Variants in EHD3 observed in about 807,000 individuals in gnomAD.
EHD3 encodes the protein EH domain containing 3.
A neutral mutation model predicts 43.0 loss-of-function variants in EHD3; 17 were observed. That is an observed-to-expected ratio of 0.40 (90% CI 0.27 to 0.59). The LOEUF (loss-of-function observed/expected upper bound fraction) is 0.59, where lower values mean the gene tolerates loss of function less well. Ranked by LOEUF, EHD3 falls within the 20% of genes least tolerant of loss-of-function variation. The pLI is 0.49. For synonymous variants in EHD3, 313 were observed against 289.5 expected (o/e 1.08, Z -0.82); for missense variants, 594 against 705.6 (o/e 0.84, Z 1.79).
At chr2:31,249,020 C>G (rs1683582747) in intron 2 of EHD3, among the ~76,000 whole-genome samples, 1 of 152,126 alleles carries the variant, frequency 6.6e-6, no homozygotes, top group Non-Finnish European at 1.5e-5. Context: ...GGTAGCTGAC[C>G]AAGGACAAAC....
rs116733156 is a variant in EHD3, at chr2:31,234,426, G to A, written c.-196G>A. On this transcript the variant is annotated 5_prime_UTR_variant, in exon 1 of 6. Coordinates refer to ENST00000322054, the MANE Select transcript of EHD3 (RefSeq NM_014600.3). ...TGGGCTGCTGGATGCAGCAGCGGCT[G>A]GGCTTGGTCCCAGGAGCAGGGAGAG... 7.7e-3 allele frequency: 4,664 copies of A among 602,390 alleles called. 170 individuals carry two copies. Among genetic ancestry groups the A allele is most frequent in the African/African-American group, 0.077 (4,077 of 53,090 alleles). 37.3% of individuals were successfully genotyped at this position (602,390 alleles called of 1,614,324 possible).
chr2:31,241,249 C>G lies in EHD3; in HGVS notation c.228-3025C>G, dbSNP rs574368154. 4.6e-5 allele frequency among the ~76,000 whole-genome samples: 7 copies of G among 152,288 alleles called. No individual in the cohort carries two copies. In the South Asian group the frequency reaches 1.5e-3, roughly 32 times the overall value. The stretch of plus-strand genomic sequence containing the variant: ...CATATTTCTTTGTGGCCTTCTTGTC[C>G]CATTCATCGTTCTAAAAGGGAGCTC... On this transcript the variant is annotated intron_variant, in intron 1 of 5. Coordinates refer to ENST00000322054, the MANE Select transcript of EHD3 (RefSeq NM_014600.3).
At chr2:31,240,574 G>A (rs1683404025) in intron 1 of EHD3, among the ~76,000 whole-genome samples, 1 of 152,210 alleles carries the variant, frequency 6.6e-6, no homozygotes, top group Non-Finnish European at 1.5e-5. Flanking sequence ...TTTGGGTCAT[G>A]TGGGTTTAGC....
rs146789470 is a variant in EHD3 at position 31,234,704 on chromosome 2, T to A, written c.83T>A (p.Leu28His). 2 of 1,614,020 alleles carry A rather than the reference T, an allele frequency of 1.2e-6. No homozygotes were observed. The highest frequency in any genetic ancestry group is 2.7e-5 in the African/African-American group (2 of 74,912). The change falls in exon 1 of 6, where the codon CTC (leucine) becomes CAC (histidine). Residue 28 changes from leucine to histidine, a missense_variant. This residue lies in a region of EHD3 where 243 missense variants were observed against 296.7 expected (regional missense o/e 0.82). Coordinates refer to ENST00000322054, the MANE Select transcript of EHD3 (RefSeq NM_014600.3). ...FQTVSEGLKKLYKSKLLPLEE... is the reference protein window; with the variant it reads ...FQTVSEGLKKHYKSKLLPLEE... ...ACGGTGAGTGAGGGGCTCAAGAAAC[T>A]CTACAAGAGCAAGCTGCTGCCCTTG...
chr2:31,243,212 A>T (rs1683453610), intron 1 of EHD3, among the ~76,000 whole-genome samples: 1 of 152,050 alleles, frequency 6.6e-6, no homozygotes, highest in African/African-American at 2.4e-5. Flanking sequence ...TGGGAGGTGG[A>T]GGTTGTGGTG....
rs1205127958 is a variant in EHD3, at chr2:31,265,393, G to A, written c.1081-784G>A. On this transcript the variant is annotated intron_variant, in intron 5 of 5. Coordinates refer to ENST00000322054, the MANE Select transcript of EHD3 (RefSeq NM_014600.3). ...ACAAACACATAATGCGTTGTGTTGTGTACAGTAGCTACAATGTCACCAGGC... is the reference window on the plus strand; with the variant it reads ...ACAAACACATAATGCGTTGTGTTGTATACAGTAGCTACAATGTCACCAGGC... 2.0e-5 allele frequency among the ~76,000 whole-genome samples: 3 copies of A among 152,176 alleles called. No individual in the cohort carries two copies. In the East Asian group the frequency reaches 5.8e-4, roughly 29 times the overall value.
intron 5 of EHD3, among the ~76,000 whole-genome samples, chr2:31,262,134 C>T (rs925452330): frequency 1.1e-4 from 16 of 152,172 alleles, no homozygotes; most frequent in Non-Finnish European, 2.2e-4. Context: ...ACACGAGCTT[C>T]GGGGAGGCAG....
At chr2:31,261,402 T>C (rs910134633) in intron 4 of EHD3, 147 bp from the exon 5 acceptor site, 7 of 951,014 alleles carry the variant, frequency 7.4e-6, no homozygotes, top group Non-Finnish European at 7.8e-6. Context: ...CATGGAGCCA[T>C]GAGGGTAGAG....
intron 5 of EHD3, among the ~76,000 whole-genome samples, chr2:31,264,351 G>A (rs1558653137): frequency 6.6e-6 from 1 of 152,166 alleles, no homozygotes; most frequent in African/African-American, 2.4e-5. Flanking sequence ...AATGGAGCTT[G>A]CAGAACTGGA....
chr2:31,242,016 G>A (rs115911875), intron 1 of EHD3, among the ~76,000 whole-genome samples: 1 of 152,204 alleles, frequency 6.6e-6, no homozygotes, highest in African/African-American at 2.4e-5. Context: ...TGTGTGGCGG[G>A]TGGCCTTTGG....
chr2:31,251,814 T>C (rs538714051), intron 3 of EHD3, among the ~76,000 whole-genome samples: 6 of 152,004 alleles, frequency 3.9e-5, no homozygotes, highest in African/African-American at 1.4e-4. Context: ...GCACGGGTGG[T>C]TTTTCTGTCT....
rs774940677 is a variant in EHD3 at position 31,266,659 on chromosome 2, G to C, written c.1563G>C (p.Leu521=). The change falls in exon 6 of 6, where the codon CTG becomes CTC. Residue 521 remains leucine (L), a synonymous_variant. Coordinates refer to ENST00000322054, the MANE Select transcript of EHD3 (RefSeq NM_014600.3). The surrounding 1 kb of genome is among the most constrained non-coding windows in gnomAD (Gnocchi z 5.1). ...KLEGHELPNE[L]PAHLLPPSKR... is the part of the protein sequence containing the mutation. ...AGGGGCACGAGCTGCCCAACGAGCT[G>C]CCTGCCCACCTCCTGCCCCCGTCCA... The C allele has an allele frequency of 9.9e-6, 16 of 1,612,434 alleles. No homozygotes were observed. Among genetic ancestry groups the C allele is most frequent in the African/African-American group, 5.3e-5 (4 of 74,976 alleles).
intron 3 of EHD3, among the ~76,000 whole-genome samples, chr2:31,259,504 T>C (rs1397033166): frequency 6.6e-5 from 10 of 152,182 alleles, no homozygotes; most frequent in African/African-American, 1.7e-4. Flanking sequence ...ACAACTTCTC[T>C]GGGGCTCCTG....
chr2:31,250,441 T>C (rs1683613527), intron 3 of EHD3, among the ~76,000 whole-genome samples: 1 of 152,114 alleles, frequency 6.6e-6, no homozygotes, highest in Non-Finnish European at 1.5e-5. Flanking sequence ...TAATTTTTTG[T>C]ATTTTTAGTA....
Position 31,260,972 on chromosome 2 carries a change from T to C in EHD3, c.915+50T>C. 1 of 1,539,762 alleles carries C rather than the reference T, an allele frequency of 6.5e-7. No homozygotes were observed. The highest frequency in any genetic ancestry group is 8.7e-7 in the Non-Finnish European group (1 of 1,146,752). Reference sequence around the variant, plus strand: ...GCAGCTTGGGCAGGGGCCCAGAGTTTGGGGTCAGCTGCACGAGCTGAGGGT... The same window carrying C: ...GCAGCTTGGGCAGGGGCCCAGAGTTCGGGGTCAGCTGCACGAGCTGAGGGT... On this transcript the variant is annotated intron_variant, in intron 4 of 5. Transcript: ENST00000322054. This position sits in a 1 kb window ranked among gnomAD's most constrained non-coding sequence, Gnocchi z 4.6.
intron 2 of EHD3, among the ~76,000 whole-genome samples, chr2:31,247,369 A>G (rs866298370): frequency 1.2e-4 from 19 of 152,156 alleles, no homozygotes; most frequent in African/African-American, 3.4e-4. Context: ...AAAAAATTAT[A>G]AAGAAAATAT....
Position 31,266,893 on chromosome 2 carries a change from C to T in EHD3, c.*189C>T. On this transcript the variant is annotated 3_prime_UTR_variant, in exon 6 of 6. Coordinates refer to ENST00000322054, the MANE Select transcript of EHD3 (RefSeq NM_014600.3). The surrounding 1 kb of genome is among the most constrained non-coding windows in gnomAD (Gnocchi z 5.1). Reference sequence around the variant, plus strand: ...AGCTGATACTTGTTTGGGCACACCTCCAAGTTCTCGGGATTAGAAGGACAA... The same window carrying T: ...AGCTGATACTTGTTTGGGCACACCTTCAAGTTCTCGGGATTAGAAGGACAA... 2 of 715,550 alleles carry T rather than the reference C, an allele frequency of 2.8e-6. No homozygotes were observed. The highest frequency in any genetic ancestry group is 5.6e-5 in the East Asian group (2 of 35,910). The allele number at this position is 715,550 out of a possible 1,614,324, so 44.3% of individuals were successfully genotyped here.
At chr2:31,249,549 C>A in intron 3 of EHD3, 81 bp downstream of exon 3, 2 of 1,246,934 alleles carry the variant, frequency 1.6e-6, no homozygotes, top group Non-Finnish European at 2.3e-6. Flanking sequence ...AGAAGAGAAG[C>A]ACCCAGGGCC....
At position 31,266,077 on chromosome 2, in the gene EHD3, A is replaced by G; in HGVS notation, c.1081-100A>G. The G allele has an allele frequency of 2.8e-6, 4 of 1,414,180 alleles. No individual in the cohort carries two copies. Among genetic ancestry groups the G allele is most frequent in the Non-Finnish European group, 3.8e-6 (4 of 1,050,784 alleles). The allele number at this position is 1,414,180 out of a possible 1,614,324, so 87.6% of individuals were successfully genotyped here. On this transcript the variant is annotated intron_variant, in intron 5 of 5. Coordinates refer to ENST00000322054, the MANE Select transcript of EHD3 (RefSeq NM_014600.3). The surrounding 1 kb of genome is among the most constrained non-coding windows in gnomAD (Gnocchi z 5.1). ...CACAGGTCTTTCATTGTAGAAAGGG[A>G]TCAGCTGTGAACATTCTGGTGCTCA...
Sources: gnomAD v4.1 joint callset for allele counts (sites outside exome capture counted in the v4.1 genomes callset) on GRCh38, gnomAD v4.1.1 for gene constraint, gnomAD v4.1.1 regional missense constraint, Gnocchi (gnomAD v3.1) non-coding constraint, MANE v1.5 for transcripts, NCBI Gene and HGNC (gene_info 2026-07-23, HGNC 2026-07-21) for gene names.